Variants in EXT1 observed in about 807,000 individuals in gnomAD.
The protein encoded by EXT1 is exostosin glycosyltransferase 1, also known as exostosin-1.
In EXT1, 20 loss-of-function variants were observed where a neutral mutation model predicts 82.5. The observed-to-expected ratio is 0.24, with a 90% CI of 0.17 to 0.35. The LOEUF is 0.35. EXT1 is among the 10% of genes least tolerant of loss of function. The pLI is 1.00. For synonymous variants in EXT1, 348 were observed against 350.8 expected (o/e 0.99, Z 0.09); for missense variants, 757 against 936.5 (o/e 0.81, Z 2.50).
chr8:118,096,685 AGGGAGG>A, intron 1 of EXT1, among the ~76,000 whole-genome samples: 1 of 119,716 alleles, frequency 8.4e-6, no homozygotes, highest in African/African-American at 3.2e-5. Flanking sequence ...GGAGGGAGGG[AGGGAGG>A]GAAGGAGGGA....
At chr8:117,983,275 G>C (rs1208252194) in intron 1 of EXT1, among the ~76,000 whole-genome samples, 1 of 152,160 alleles carries the variant, frequency 6.6e-6, no homozygotes, top group Non-Finnish European at 1.5e-5. Flanking sequence ...TTCGAGTCCA[G>C]GAGTTTGAGA....
chr8:118,060,972 T>G (rs1386714034), intron 1 of EXT1, among the ~76,000 whole-genome samples: 3 of 152,220 alleles, frequency 2.0e-5, no homozygotes, highest in Non-Finnish European at 4.4e-5. Context: ...GGTTGCACAA[T>G]GGGTGTTCTC....
intron 1 of EXT1, among the ~76,000 whole-genome samples, chr8:117,962,386 T>C (rs899130168): frequency 6.6e-6 from 1 of 151,740 alleles, no homozygotes; most frequent in African/African-American, 2.4e-5. Context: ...GGAAGAATCC[T>C]AGCATTTTGA....
chr8:117,866,042 T>G (rs904163985), intron 1 of EXT1, among the ~76,000 whole-genome samples: 1 of 152,082 alleles, frequency 6.6e-6, no homozygotes, highest in Non-Finnish European at 1.5e-5. Flanking sequence ...CTGGCCAACA[T>G]GGTGAAACCC....
intron 1 of EXT1, among the ~76,000 whole-genome samples, chr8:117,876,791 CCA>C (rs1563588194): frequency 4.6e-5 from 7 of 152,118 alleles, no homozygotes; most frequent in Non-Finnish European, 8.8e-5. Context: ...CATTTGTTTA[CCA>C]TTCATTCTTC....
intron 1 of EXT1, among the ~76,000 whole-genome samples, chr8:117,908,206 A>G (rs1292718868): frequency 6.6e-6 from 1 of 152,232 alleles, no homozygotes; most frequent in Non-Finnish European, 1.5e-5. Flanking sequence ...GGGGGATGAT[A>G]TATGTTCCCT....
intron 8 of EXT1, among the ~76,000 whole-genome samples, chr8:117,810,016 A>C (rs1488580224): frequency 6.6e-6 from 1 of 152,208 alleles, no homozygotes; most frequent in East Asian, 1.9e-4. Flanking sequence ...AAGGAACTCA[A>C]AAGTAAATTC....
At chr8:117,951,787 C>T (rs1241762538) in intron 1 of EXT1, among the ~76,000 whole-genome samples, 3 of 152,082 alleles carry the variant, frequency 2.0e-5, no homozygotes, top group African/African-American at 4.8e-5. Flanking sequence ...TTTGGTACAG[C>T]CTGCAAGCTA....
intron 6 of EXT1, among the ~76,000 whole-genome samples, chr8:117,819,078 C>A (rs528393363): frequency 6.6e-6 from 1 of 152,142 alleles, no homozygotes; most frequent in Non-Finnish European, 1.5e-5. Flanking sequence ...GCATTTAGTT[C>A]AAAAATGCAT....
intron 1 of EXT1, among the ~76,000 whole-genome samples, chr8:118,045,869 C>A (rs1260112003): frequency 6.6e-6 from 1 of 151,846 alleles, no homozygotes; most frequent in Non-Finnish European, 1.5e-5. Flanking sequence ...GATCTCAGCT[C>A]ACTGCAACCT....
chr8:118,044,257 T>C (rs1438261234), intron 1 of EXT1, among the ~76,000 whole-genome samples: 1 of 152,194 alleles, frequency 6.6e-6, no homozygotes, highest in East Asian at 1.9e-4. Context: ...CATTTTATAG[T>C]TGATAAAATG....
At chr8:117,999,945 T>C (rs531389364) in intron 1 of EXT1, among the ~76,000 whole-genome samples, 36 of 149,000 alleles carry the variant, frequency 2.4e-4, no homozygotes, top group Non-Finnish European at 4.2e-4. Context: ...TATATATATA[T>C]ATATGTATGT....
rs1813882219 is a variant in EXT1 at position 117,922,843 on chromosome 8, T to C, written c.963-85642A>G. Among the ~76,000 whole-genome samples, 3 of 152,272 alleles carry C rather than the reference T, an allele frequency of 2.0e-5. No individual in the cohort carries two copies. The South Asian group carries it at 6.2e-4, about 32-fold the overall frequency. On this transcript the variant is annotated intron_variant, in intron 1 of 10. Coordinates refer to ENST00000378204, the MANE Select transcript of EXT1 (RefSeq NM_000127.3). ...TTCCTTAATAACTTCTTTTTCTGGT[T>C]GAGTTAACCAGTTTCCATTGCTTTC...
chr8:118,072,477 A>G (rs910695375), intron 1 of EXT1, among the ~76,000 whole-genome samples: 1 of 152,214 alleles, frequency 6.6e-6, no homozygotes, highest in Non-Finnish European at 1.5e-5. Context: ...GCAAGACTCT[A>G]GCTTACCCTA....
intron 1 of EXT1, among the ~76,000 whole-genome samples, chr8:117,915,937 G>C (rs1189560861): frequency 2.0e-5 from 3 of 152,094 alleles, no homozygotes; most frequent in Non-Finnish European, 1.5e-5. Context: ...TTCTGTTTTG[G>C]CTGAATGTAA....
At chr8:117,850,888 T>A (rs1812441858) in intron 1 of EXT1, among the ~76,000 whole-genome samples, 1 of 152,134 alleles carries the variant, frequency 6.6e-6, no homozygotes, top group Non-Finnish European at 1.5e-5. Flanking sequence ...TTGGTGTGTG[T>A]CAGGACACAA....
intron 10 of EXT1, among the ~76,000 whole-genome samples, chr8:117,801,796 G>A (rs1823170059): frequency 6.6e-6 from 1 of 152,240 alleles, no homozygotes; most frequent in African/African-American, 2.4e-5. Flanking sequence ...ATGAGCCACT[G>A]TGCCCGGCCT....
rs547940900 is a variant in EXT1 at position 118,044,411 on chromosome 8, A to AT, written c.962+65673dup. Among the ~76,000 whole-genome samples, 655 of 145,096 alleles carry AT rather than the reference A, an allele frequency of 4.5e-3. 2 individuals carry two copies. The highest frequency in any genetic ancestry group is 0.014 in the South Asian group (65 of 4,598). ...TGAAATGTTTTTGGTCTTCTTTATG[A>AT]TTTTTTTTTTTTTGAGACGGAGTTT... On this transcript the variant is annotated intron_variant, in intron 1 of 10. Transcript: ENST00000378204.
intron 1 of EXT1, among the ~76,000 whole-genome samples, chr8:118,104,988 G>A (rs1438476806): frequency 6.6e-6 from 1 of 152,132 alleles, no homozygotes; most frequent in Non-Finnish European, 1.5e-5. Context: ...CAGACAACTC[G>A]GGCCATAAAA....
Sources: gnomAD v4.1 joint callset for allele counts (sites outside exome capture counted in the v4.1 genomes callset) on GRCh38, gnomAD v4.1.1 for gene constraint, MANE v1.5 for transcripts, NCBI Gene and HGNC (gene_info 2026-07-23, HGNC 2026-07-21) for gene names.